PCCA: variants seen among roughly 807,000 people sequenced by gnomAD.
PCCA encodes propionyl-CoA carboxylase subunit alpha, also known as propionyl-CoA carboxylase alpha chain, mitochondrial.
PCCA carries 74 observed loss-of-function variants against 101.3 expected under a neutral mutation model. The ratio of observed to expected loss-of-function variants is 0.73; its 90% CI spans 0.61 to 0.89. The LOEUF (loss-of-function observed/expected upper bound fraction) is 0.89. PCCA is among the 40% of genes least tolerant of loss of function. PCCA has a pLI of 0.00. For missense variants in PCCA, 891 were observed against 907.0 expected, an observed-to-expected ratio of 0.98 and a Z score of 0.23; for synonymous variants, 294 against 313.6, an observed-to-expected ratio of 0.94 and a Z score of 0.66.
rs775593108 is a variant in PCCA, at chr13:100,157,291, A to G, written c.419A>G (p.His140Arg). Reference protein sequence around the residue: ...AIKKTRAQAVHPGYGFLSENK... With the variant: ...AIKKTRAQAVRPGYGFLSENK... The stretch of plus-strand genomic sequence containing the variant: ...CTTTTTGCTTTCATTTCTAAGGTAC[A>G]TCCAGGTTATGGATTCCTTTCAGAA... Residue 140 changes from histidine to arginine, a missense_variant, in exon 6 of 24, where the codon CAT becomes CGT. By Grantham distance (29) the His-to-Arg change is conservative (BLOSUM62 0). Transcript: ENST00000376285. The G allele has an allele frequency of 1.1e-5, 17 of 1,609,948 alleles. No homozygotes were observed. Among genetic ancestry groups the G allele is most frequent in the Non-Finnish European group, 1.4e-5 (17 of 1,176,358 alleles).
At chr13:100,319,781 G>A (rs1437136216) in intron 16 of PCCA, among the ~76,000 whole-genome samples, 1 of 152,044 alleles carries the variant, frequency 6.6e-6, no homozygotes. Flanking sequence ...ATGCCTCCAG[G>A]TTTGTTCTTT....
At chr13:100,478,742 C>T (rs972969672) in intron 21 of PCCA, among the ~76,000 whole-genome samples, 6 of 152,138 alleles carry the variant, frequency 3.9e-5, no homozygotes, top group African/African-American at 1.4e-4. Flanking sequence ...AACACTCGTC[C>T]TGGAAATCCT....
At chr13:100,194,661 T>A (rs1304139109) in intron 6 of PCCA, among the ~76,000 whole-genome samples, 1 of 152,078 alleles carries the variant, frequency 6.6e-6, no homozygotes, top group African/African-American at 2.4e-5. Flanking sequence ...CCTTGTGATC[T>A]GCCCACCTTG....
chr13:100,105,803 C>T (rs1267734540), intron 2 of PCCA, among the ~76,000 whole-genome samples: 2 of 126,188 alleles, frequency 1.6e-5, no homozygotes, highest in Non-Finnish European at 3.1e-5. Context: ...GATTGCACCA[C>T]TGTACTCCAG....
At chr13:100,261,956 T>A (rs1405079580) in intron 9 of PCCA, among the ~76,000 whole-genome samples, 6 of 152,188 alleles carry the variant, frequency 3.9e-5, no homozygotes, top group Non-Finnish European at 8.8e-5. Context: ...GTCATGCAGG[T>A]GACTAGACCC....
chr13:100,162,992 C>T (rs2054646602), intron 6 of PCCA, among the ~76,000 whole-genome samples: 1 of 152,098 alleles, frequency 6.6e-6, no homozygotes, highest in Admixed American at 6.5e-5. Context: ...GTTTCCTTTC[C>T]TATATGTTGG....
At chr13:100,483,934 A>G (rs1222191108) in intron 21 of PCCA, among the ~76,000 whole-genome samples, 1 of 152,196 alleles carries the variant, frequency 6.6e-6, no homozygotes, top group Admixed American at 6.5e-5. Flanking sequence ...GCTTTGTGCC[A>G]GCTGGTTTCA....
intron 6 of PCCA, chr13:100,161,684 A>T (rs1363270961): frequency 3.3e-5 from 5 of 152,162 alleles, no homozygotes; most frequent in African/African-American, 9.7e-5. Flanking sequence ...AGTAGGAAAA[A>T]ATAGGAGAGA....
intron 21 of PCCA, among the ~76,000 whole-genome samples, chr13:100,458,998 G>A (rs936299444): frequency 6.6e-6 from 1 of 152,082 alleles, no homozygotes; most frequent in Non-Finnish European, 1.5e-5. Context: ...CAGGGTTGGC[G>A]CCTCCCTAGA....
At chr13:100,133,501 T>C (rs1594278048) in intron 4 of PCCA, among the ~76,000 whole-genome samples, 2 of 152,352 alleles carry the variant, frequency 1.3e-5, no homozygotes, top group East Asian at 3.9e-4. Flanking sequence ...TTCTTCAAGA[T>C]TTTTGTAGTT....
At chr13:100,350,984 G>A (rs1354175155) in intron 18 of PCCA, among the ~76,000 whole-genome samples, 1 of 152,156 alleles carries the variant, frequency 6.6e-6, no homozygotes, top group African/African-American at 2.4e-5. Context: ...TGTCACCAGG[G>A]TAACAGCATA....
rs1490082100 is a variant in PCCA at position 100,515,657 on chromosome 13, C to T, written c.2040+90C>T. 2.7e-6 allele frequency: 4 copies of T among 1,489,878 alleles called. No homozygotes were observed. The African/African-American group carries it at 4.1e-5, about 15-fold the overall frequency. The allele number at this position is 1,489,878 out of a possible 1,614,324, so 92.3% of individuals were successfully genotyped here. A position where few individuals can be genotyped will look rare whatever the true frequency, so the allele number is the denominator to read the frequency against. On this transcript the variant is annotated intron_variant, in intron 22 of 23. Transcript: ENST00000376285. ...GCTAACGGCACAGCACGATTCGGCT[C>T]TTTGCAGTTCTTACTTAACCGACGC...
At chr13:100,493,432 C>T (rs1490712001) in intron 21 of PCCA, among the ~76,000 whole-genome samples, 1 of 152,180 alleles carries the variant, frequency 6.6e-6, no homozygotes, top group South Asian at 2.1e-4. Flanking sequence ...GAGCCTCTTA[C>T]TACAGTGAGC....
intron 4 of PCCA, among the ~76,000 whole-genome samples, chr13:100,144,531 T>C (rs150868139): frequency 8.8e-4 from 134 of 152,352 alleles, no homozygotes; most frequent in Middle Eastern, 6.8e-3. Flanking sequence ...AGTTGATGCT[T>C]TTCATGACAG....
intron 20 of PCCA, among the ~76,000 whole-genome samples, chr13:100,444,919 C>T (rs1210102501): frequency 6.6e-6 from 1 of 152,064 alleles, no homozygotes; most frequent in Non-Finnish European, 1.5e-5. Flanking sequence ...ATTTGTCATC[C>T]TGTCTTAGTA....
chr13:100,505,865 TC>T (rs1429469466), intron 21 of PCCA, among the ~76,000 whole-genome samples: 2 of 107,772 alleles, frequency 1.9e-5, no homozygotes, highest in Admixed American at 1.0e-4. Context: ...CCCTCCCCCA[TC>T]CCCCCCAAAA....
At chr13:100,153,807 T>TA (rs1159045474) in intron 4 of PCCA, among the ~76,000 whole-genome samples, 1 of 152,230 alleles carries the variant, frequency 6.6e-6, no homozygotes, top group African/African-American at 2.4e-5. Context: ...TTGGATATTT[T>TA]ATAGTAAGAT....
chr13:100,384,248 A>G (rs188662491), intron 19 of PCCA, among the ~76,000 whole-genome samples: 1 of 151,898 alleles, frequency 6.6e-6, no homozygotes, highest in South Asian at 2.1e-4. Flanking sequence ...CTGATCTCGA[A>G]CTCCTCACCT....
chr13:100,115,440 C>A (rs1378426753), intron 4 of PCCA, among the ~76,000 whole-genome samples: 1 of 152,094 alleles, frequency 6.6e-6, no homozygotes, highest in Non-Finnish European at 1.5e-5. Flanking sequence ...ATGCTTGTAA[C>A]ACAAATAAAT....
Sources: allele counts gnomAD v4.1 joint callset (sites outside exome capture counted in the v4.1 genomes callset), GRCh38; gene constraint gnomAD v4.1.1; transcripts MANE v1.5; gene names NCBI Gene and HGNC (gene_info 2026-07-23, HGNC 2026-07-21).